The following NEURL1 variants were observed in gnomAD, a reference collection of about 807,000 sequenced individuals.
NEURL1 encodes the protein neuralized E3 ubiquitin protein ligase 1.
Under a neutral mutation model 41.2 loss-of-function variants are expected in NEURL1, and 26 were observed. The ratio of observed to expected loss-of-function variants is 0.63; its 90% confidence interval spans 0.46 to 0.87. The LOEUF (loss-of-function observed/expected upper bound fraction) is 0.87. NEURL1 is among the 40% of genes least tolerant of loss of function. The probability of loss-of-function intolerance (pLI) is 0.00; values close to 1 mark genes in which losing one functional copy is unlikely to be tolerated. For missense variants in NEURL1, 761 were observed against 871.1 expected (o/e 0.87, Z 1.59); for synonymous variants, 400 against 402.3 (o/e 0.99, Z 0.07).
chr10:103,511,951 A>G (rs1282489858), intron 1 of NEURL1: 1 of 152,222 alleles, frequency 6.6e-6, no homozygotes, highest in African/African-American at 2.4e-5. Context: ...CCGCAGCCAC[A>G]TCCAGTTAGT....
Position 103,590,342 on chromosome 10 carries a change from G to A in NEURL1, c.1695G>A (p.Lys565=), listed in dbSNP as rs371954748. The change falls in exon 6 of 6, where the codon AAG becomes AAA. Residue 565 remains lysine (K), a synonymous_variant. Coordinates refer to ENST00000369780, the MANE Select transcript of NEURL1 (RefSeq NM_004210.5). ...GCCCCATCTGCCGCCGCCCCATCAA[G>A]GACATCATCAAGACCTACCGCAGCT... ...ACCPICRRPI[K]DIIKTYRSS The A allele has an allele frequency of 5.3e-5, 85 of 1,614,098 alleles. No individual in the cohort carries two copies. In the East Asian group the frequency reaches 1.6e-3, roughly 30 times the overall value.
At chr10:103,576,748 G>A (rs1463708419) in intron 3 of NEURL1, among the ~76,000 whole-genome samples, 1 of 152,044 alleles carries the variant, frequency 6.6e-6, no homozygotes. Context: ...GAGGGCTTAT[G>A]CATTCTATTC....
At chr10:103,559,373 G>A (rs2035231963) in intron 1 of NEURL1, among the ~76,000 whole-genome samples, 1 of 152,162 alleles carries the variant, frequency 6.6e-6, no homozygotes, top group African/African-American at 2.4e-5. Context: ...GCACACAGTG[G>A]CTCCCAGCAG....
chr10:103,512,753 G>A (rs1159383792), intron 1 of NEURL1, among the ~76,000 whole-genome samples: 1 of 152,068 alleles, frequency 6.6e-6, no homozygotes, highest in African/African-American at 2.4e-5. Flanking sequence ...AAAGGGGAGG[G>A]CTTCAGGTGT....
intron 3 of NEURL1, among the ~76,000 whole-genome samples, chr10:103,580,260 A>G (rs2035758379): frequency 6.6e-6 from 1 of 152,208 alleles, no homozygotes; most frequent in African/African-American, 2.4e-5. Context: ...TGGGACATGC[A>G]AGGGTAGTCA....
chr10:103,558,143 G>A lies in NEURL1; in HGVS notation c.86-12729G>A. On this transcript the variant is annotated intron_variant, in intron 1 of 5. Coordinates refer to ENST00000369780, the MANE Select transcript of NEURL1 (RefSeq NM_004210.5). The surrounding 1 kb of genome is among the most constrained non-coding windows in gnomAD (Gnocchi z 4.2). ...TCCACCTGTGTCGGCCTCCCAAAGT[G>A]CTGGGTTTACAGGTGTGAGCCACCG... 1.0e-6 allele frequency: 1 copy of A among 980,864 alleles called. No individual in the cohort carries two copies. Among genetic ancestry groups the A allele is most frequent in the Non-Finnish European group, 1.2e-6 (1 of 825,774 alleles). 60.8% of individuals were successfully genotyped at this position (980,864 alleles called of 1,614,324 possible).
intron 1 of NEURL1, among the ~76,000 whole-genome samples, chr10:103,533,728 G>A (rs889866463): frequency 1.3e-5 from 2 of 152,176 alleles, no homozygotes; most frequent in Non-Finnish European, 2.9e-5. Flanking sequence ...AGTAGAGACG[G>A]GGTTTCACCG....
rs11818423 is a variant in NEURL1, at chr10:103,518,519, A to C, written c.85+24047A>C. Among the ~76,000 whole-genome samples, 1,178 of 152,290 alleles carry C rather than the reference A, an allele frequency of 7.7e-3. 11 individuals are homozygous for C. Among genetic ancestry groups the C allele is most frequent in the African/African-American group, 0.027 (1,108 of 41,542 alleles). ...AGAGACAGATTTTTAAAACCCAAAA[A>C]CATGACATATGGATGTCAGATGATG... On this transcript the variant is annotated intron_variant, in intron 1 of 5. Transcript: ENST00000369780.
chr10:103,570,837 C>G, intron 1 of NEURL1, 35 bp from the exon 2 acceptor site: 1 of 1,595,358 alleles, frequency 6.3e-7, no homozygotes, highest in African/African-American at 1.3e-5. Flanking sequence ...TTGGACCCGC[C>G]AAGTTCTCTG....
intron 1 of NEURL1, among the ~76,000 whole-genome samples, chr10:103,527,907 G>C (rs1156269406): frequency 3.9e-5 from 6 of 152,174 alleles, no homozygotes; most frequent in African/African-American, 1.4e-4. Flanking sequence ...TTAGAGTAGA[G>C]AGGAGCTCAG....
intron 1 of NEURL1, among the ~76,000 whole-genome samples, chr10:103,523,821 A>C (rs1209920548): frequency 2.0e-5 from 3 of 152,218 alleles, no homozygotes; most frequent in Admixed American, 2.0e-4. Context: ...TATATATACC[A>C]CATTGTCTTT....
chr10:103,590,082 C>A, intron 5 of NEURL1, 52 bp from the exon 6 acceptor site: 1 of 1,559,314 alleles, frequency 6.4e-7, no homozygotes. Flanking sequence ...CCCGTGAATC[C>A]AGCGCCGGGT....
chr10:103,584,949 T>G lies in NEURL1; in HGVS notation c.1063T>G (p.Phe355Val), dbSNP rs2035880801. Residue 355 changes from phenylalanine to valine, a missense_variant, in exon 4 of 6, where the codon TTC becomes GTC. Physicochemically the swap from Phe to Val is conservative, Grantham distance 50. Transcript: ENST00000369780. ...SGGARPGALS[F>V]GVTTCDPGTL... ...TGGCGCGCGGCCCGGCGCGCTGTCG[T>G]TCGGCGTCACCACGTGCGACCCCGG... 1 of 1,497,012 alleles carries G rather than the reference T, an allele frequency of 6.7e-7. No individual in the cohort carries two copies. Among genetic ancestry groups the G allele is most frequent in the Admixed American group, 2.2e-5 (1 of 46,012 alleles). 92.7% of individuals were successfully genotyped at this position (1,497,012 alleles called of 1,614,324 possible).
rs556314120 is a variant in NEURL1 at position 103,494,487 on chromosome 10, C to T, written c.85+15C>T. The T allele has an allele frequency of 3.2e-6, 5 of 1,539,894 alleles. No homozygotes were observed. Among genetic ancestry groups the T allele is most frequent in the South Asian group, 1.2e-5 (1 of 83,128 alleles). On this transcript the variant is annotated intron_variant, in intron 1 of 5. Coordinates refer to ENST00000369780, the MANE Select transcript of NEURL1 (RefSeq NM_004210.5). Reference sequence around the variant, plus strand: ...GAACCTCAAAGGTAGGCTCCCCGGCCGAGCGCTGCTGGAGGACTGGGGCGC... The same window carrying T: ...GAACCTCAAAGGTAGGCTCCCCGGCTGAGCGCTGCTGGAGGACTGGGGCGC...
intron 1 of NEURL1, among the ~76,000 whole-genome samples, chr10:103,522,345 C>T (rs749804368): frequency 1.3e-4 from 19 of 151,708 alleles, no homozygotes; most frequent in Non-Finnish European, 2.1e-4. Context: ...TGGTGGCTCA[C>T]GCCTGTAATC....
chr10:103,566,632 G>A lies in NEURL1; in HGVS notation c.86-4240G>A, dbSNP rs957110360. ...ACGTTTGAGTTGTTTCTAGTTCAGG[G>A]TTATTATGAATAAAGCTGCTGTACG... On this transcript the variant is annotated intron_variant, in intron 1 of 5. Coordinates refer to ENST00000369780, the MANE Select transcript of NEURL1 (RefSeq NM_004210.5). The surrounding 1 kb of genome is among the most constrained non-coding windows in gnomAD (Gnocchi z 4.2). Among the ~76,000 whole-genome samples, 1 of 152,150 alleles carries A rather than the reference G, an allele frequency of 6.6e-6. No homozygotes were observed. Among genetic ancestry groups the A allele is most frequent in the Admixed American group, 6.5e-5 (1 of 15,274 alleles).
rs772643069 is a variant in NEURL1, at chr10:103,570,222, TC to T, written c.86-649del. On this transcript the variant is annotated intron_variant, in intron 1 of 5. Transcript: ENST00000369780. ...TGGGCGGGCTCTACTTGGGCATGGA[TC>T]TTGGGGGCCCCACCAGAGTCCCCAG... 6.6e-5 allele frequency among the ~76,000 whole-genome samples: 10 copies of T among 152,274 alleles called. No individual in the cohort carries two copies. The East Asian group carries it at 1.7e-3, about 26-fold the overall frequency.
intron 3 of NEURL1, among the ~76,000 whole-genome samples, chr10:103,582,146 A>T (rs941792184): frequency 2.0e-5 from 3 of 151,994 alleles, no homozygotes; most frequent in Non-Finnish European, 2.9e-5. Flanking sequence ...CTCTGGCTGG[A>T]CATCTCTGAG....
chr10:103,494,150 G>T lies in NEURL1; in HGVS notation c.-238G>T, dbSNP rs1029852039. The T allele has an allele frequency of 8.8e-6, 4 of 452,888 alleles. No homozygotes were observed. In the East Asian group the frequency reaches 1.6e-4, roughly 18 times the overall value. 28.1% of individuals were successfully genotyped at this position (452,888 alleles called of 1,614,324 possible). ...TTGTGGCCCCCGCTCCCGCCACGGG[G>T]CATGGGAGGCAGGTAGCCCAGCCTG... On this transcript the variant is annotated 5_prime_UTR_variant, in exon 1 of 6. Transcript: ENST00000369780.
Sources: gnomAD v4.1 joint callset for allele counts (sites outside exome capture counted in the v4.1 genomes callset) on GRCh38, gnomAD v4.1.1 for gene constraint, Gnocchi (gnomAD v3.1) non-coding constraint, MANE v1.5 for transcripts, NCBI Gene and HGNC (gene_info 2026-07-23, HGNC 2026-07-21) for gene names.